KCNMA1: variants seen among roughly 807,000 people sequenced by gnomAD.
KCNMA1 encodes Calcium-activated potassium channel subunit alpha-1.
KCNMA1 carries 29 observed loss-of-function variants against 140.0 expected under a neutral mutation model. The ratio of observed to expected loss-of-function variants is 0.21; its 90% CI spans 0.15 to 0.28. KCNMA1 has a LOEUF of 0.28. KCNMA1 is among the 10% of genes least tolerant of loss of function. KCNMA1 has a pLI of 1.00. For synonymous variants in KCNMA1, 612 were observed against 611.9 expected, an observed-to-expected ratio of 1.00 and a Z score of 0.00; for missense variants, 880 against 1,602.2, an observed-to-expected ratio of 0.55 and a Z score of 7.70.
At chr10:77,460,517 TGTG>T (rs2097846431) in intron 1 of KCNMA1, among the ~76,000 whole-genome samples, 1 of 150,150 alleles carries the variant, frequency 6.7e-6, no homozygotes, top group African/African-American at 2.5e-5. Context: ...ATAAAGAAAA[TGTG>T]GTACACACGT....
chr10:76,973,684 C>G (rs2076710883), intron 19 of KCNMA1, among the ~76,000 whole-genome samples: 1 of 152,166 alleles, frequency 6.6e-6, no homozygotes, highest in Non-Finnish European at 1.5e-5. Context: ...ATTCTGTTTT[C>G]AAGCAAAAGC....
chr10:77,406,033 C>G (rs1298690019), intron 1 of KCNMA1, among the ~76,000 whole-genome samples: 1 of 152,150 alleles, frequency 6.6e-6, no homozygotes, highest in Non-Finnish European at 1.5e-5. Context: ...ATGTGTTAAG[C>G]CCCACAGAGC....
intron 21 of KCNMA1, among the ~76,000 whole-genome samples, chr10:76,951,500 T>C (rs984195899): frequency 6.6e-6 from 1 of 152,210 alleles, no homozygotes; most frequent in Non-Finnish European, 1.5e-5. Flanking sequence ...TAGCTTTAAA[T>C]ACACTGTTTC....
At chr10:77,033,230 G>A (rs2094071513) in intron 15 of KCNMA1, among the ~76,000 whole-genome samples, 1 of 152,142 alleles carries the variant, frequency 6.6e-6, no homozygotes, top group African/African-American at 2.4e-5. Context: ...AATTTAAAAT[G>A]ACAGCCGCTA....
chr10:77,295,347 CA>C (rs11351133), intron 2 of KCNMA1, among the ~76,000 whole-genome samples: 21,999 of 136,948 alleles, frequency 0.16, 1,861 homozygotes, highest in African/African-American at 0.23. Flanking sequence ...AACTCGGTCT[CA>C]AAAAAAAAAA....
chr10:77,631,694 C>T (rs1327071037), intron 1 of KCNMA1, among the ~76,000 whole-genome samples: 1 of 152,238 alleles, frequency 6.6e-6, no homozygotes, highest in Non-Finnish European at 1.5e-5. Flanking sequence ...GGCTATCAGC[C>T]ACCAATGAAT....
chr10:77,039,678 G>A (rs200874159), intron 14 of KCNMA1, 41 bp from the exon 15 acceptor site: 91 of 1,279,996 alleles, frequency 7.1e-5, no homozygotes, highest in Non-Finnish European at 9.9e-5. Flanking sequence ...AAAATATGAC[G>A]GTGGGCTGTA....
chr10:76,969,307 A>AAGGAAGGG (rs796260144), intron 20 of KCNMA1, among the ~76,000 whole-genome samples: 3 of 148,858 alleles, frequency 2.0e-5, no homozygotes, highest in South Asian at 2.2e-4. Flanking sequence ...GGAGGGAAGG[A>AAGGAAGGG]AGGAAGGAAG....
chr10:77,326,585 C>A (rs1555198529), intron 2 of KCNMA1, among the ~76,000 whole-genome samples: 1 of 152,098 alleles, frequency 6.6e-6, no homozygotes, highest in Non-Finnish European at 1.5e-5. Context: ...TTGCAAGACC[C>A]AGAATGTCAA....
intron 1 of KCNMA1, among the ~76,000 whole-genome samples, chr10:77,535,426 C>T (rs1020100450): frequency 5.9e-5 from 9 of 152,204 alleles, no homozygotes; most frequent in Non-Finnish European, 4.4e-5. Flanking sequence ...GAACAGGGAA[C>T]ATTCATACAC....
chr10:77,612,392 C>A lies in KCNMA1; in HGVS notation c.378+24873G>T, dbSNP rs553702698. Among the ~76,000 whole-genome samples, 154 of 152,282 alleles carry A rather than the reference C, an allele frequency of 1.0e-3. 1 individual carries two copies. Among genetic ancestry groups the A allele is most frequent in the African/African-American group, 3.5e-3 (147 of 41,548 alleles). On this transcript the variant is annotated intron_variant, in intron 1 of 27. Coordinates refer to ENST00000286628, the MANE Select transcript of KCNMA1 (RefSeq NM_001161352.2). ...CAGGGGCAGGTGGGGAGCCTCAAAT[C>A]TGGAGAAAGCAAAATGTAAATGATG...
chr10:77,486,743 C>T (rs1008408840), intron 1 of KCNMA1, among the ~76,000 whole-genome samples: 1 of 152,184 alleles, frequency 6.6e-6, no homozygotes, highest in South Asian at 2.1e-4. Flanking sequence ...CCAGCCCTGG[C>T]CCCGGGCAAA....
intron 17 of KCNMA1, among the ~76,000 whole-genome samples, chr10:77,017,847 G>C (rs1160272570): frequency 6.7e-6 from 1 of 149,006 alleles, no homozygotes; most frequent in African/African-American, 2.5e-5. Context: ...AAGTGGGAAA[G>C]AGTAATGCTA....
intron 13 of KCNMA1, among the ~76,000 whole-genome samples, chr10:77,074,560 C>G (rs2096324720): frequency 6.6e-6 from 1 of 152,190 alleles, no homozygotes; most frequent in South Asian, 2.1e-4. Context: ...ACTTCAGGTG[C>G]TGCTGTGTAC....
chr10:77,631,464 G>T (rs983082925), intron 1 of KCNMA1, among the ~76,000 whole-genome samples: 2 of 152,230 alleles, frequency 1.3e-5, no homozygotes, highest in African/African-American at 4.8e-5. Flanking sequence ...AACCACAAAG[G>T]CGACCTTCCA....
chr10:77,406,519 G>A (rs1225838180), intron 1 of KCNMA1, among the ~76,000 whole-genome samples: 1 of 152,092 alleles, frequency 6.6e-6, no homozygotes. Context: ...CAGTGTGCTG[G>A]GCCCATCCCA....
intron 3 of KCNMA1, among the ~76,000 whole-genome samples, chr10:77,238,925 T>A (rs1015534778): frequency 6.6e-6 from 1 of 152,194 alleles, no homozygotes; most frequent in African/African-American, 2.4e-5. Flanking sequence ...GTAATATACA[T>A]ACATTGCCTT....
intron 29 of KCNMA1, among the ~76,000 whole-genome samples, chr10:76,878,932 GAAAAGA>G (rs1455971907): frequency 2.0e-5 from 3 of 152,062 alleles, no homozygotes; most frequent in Non-Finnish European, 4.4e-5. Context: ...CTTAGGGAAA[GAAAAGA>G]AAAAGAAAAA....
At chr10:77,020,346 G>C (rs2153487093) in intron 16 of KCNMA1, 1 of 152,280 alleles carries the variant, frequency 6.6e-6, no homozygotes, top group African/African-American at 2.4e-5. Flanking sequence ...ACCTGGTTGG[G>C]AGACCTCCGA....
Sources: allele counts gnomAD v4.1 joint callset (sites outside exome capture counted in the v4.1 genomes callset), GRCh38; gene constraint gnomAD v4.1.1; transcripts MANE v1.5; gene names NCBI Gene and HGNC (gene_info 2026-07-23, HGNC 2026-07-21).